THSD4: variants seen among roughly 807,000 people sequenced by gnomAD.
The protein encoded by THSD4 is thrombospondin type 1 domain containing 4.
THSD4 carries 69 observed loss-of-function variants against 119.0 expected under a neutral mutation model. That is an observed-to-expected ratio of 0.58 (90% CI 0.48 to 0.71). The LOEUF is 0.71. Among genes scored for constraint, THSD4 ranks in the 30% least tolerant of loss-of-function variants. The probability of loss-of-function intolerance (pLI) is 0.00; values close to 1 mark genes in which losing one functional copy is unlikely to be tolerated. For synonymous variants in THSD4, 524 were observed against 540.4 expected (o/e 0.97, Z 0.42); for missense variants, 1,393 against 1,391.1 (o/e 1.00, Z -0.02).
chr15:71,300,649 A>G (rs758362760), intron 6 of THSD4, among the ~76,000 whole-genome samples: 2 of 152,236 alleles, frequency 1.3e-5, no homozygotes, highest in Non-Finnish European at 2.9e-5. Context: ...CTGTAGTATA[A>G]GAGTAAAAAC....
chr15:71,714,794 C>T (rs1451415042), intron 8 of THSD4, among the ~76,000 whole-genome samples: 1 of 152,160 alleles, frequency 6.6e-6, no homozygotes, highest in Non-Finnish European at 1.5e-5. Flanking sequence ...AAGATCATGC[C>T]ATTGCACTCC....
At chr15:71,332,665 G>T (rs1019257958) in intron 6 of THSD4, among the ~76,000 whole-genome samples, 2 of 152,074 alleles carry the variant, frequency 1.3e-5, no homozygotes, top group African/African-American at 4.8e-5. Flanking sequence ...ACAGGCTTAA[G>T]ATAGGGACCA....
chr15:71,108,189 A>G (rs868748233), intron 1 of THSD4, among the ~76,000 whole-genome samples: 5 of 152,122 alleles, frequency 3.3e-5, no homozygotes, highest in Admixed American at 6.5e-5. Flanking sequence ...TGGAGGTGGG[A>G]GCTGTCCCAG....
intron 1 of THSD4, among the ~76,000 whole-genome samples, chr15:71,128,526 C>CAAA (rs60507084): frequency 2.7e-4 from 35 of 131,674 alleles, no homozygotes; most frequent in Admixed American, 6.2e-4. Context: ...GACTCTGCCT[C>CAAA]AAAAAAAAAA....
At chr15:71,617,132 A>C (rs536420960) in intron 7 of THSD4, among the ~76,000 whole-genome samples, 1 of 152,330 alleles carries the variant, frequency 6.6e-6, no homozygotes, top group African/African-American at 2.4e-5. Context: ...GCTTAGAGTG[A>C]TAAACCAACT....
intron 7 of THSD4, among the ~76,000 whole-genome samples, chr15:71,442,660 G>GTATGTATGTATGTATATATA (rs1555414328): frequency 3.1e-4 from 8 of 25,824 alleles, no homozygotes; most frequent in South Asian, 2.4e-3. Flanking sequence ...GTGTGTGTGT[G>GTATGTATGTATGTATATATA]TATATATATA....
intron 7 of THSD4, among the ~76,000 whole-genome samples, chr15:71,574,858 C>T (rs2049420950): frequency 6.6e-6 from 1 of 152,068 alleles, no homozygotes; most frequent in South Asian, 2.1e-4. Flanking sequence ...ATAGCGATTG[C>T]CTGAAACTGT....
chr15:71,505,795 C>T (rs2048176533), intron 7 of THSD4, among the ~76,000 whole-genome samples: 2 of 152,146 alleles, frequency 1.3e-5, no homozygotes, highest in Non-Finnish European at 2.9e-5. Flanking sequence ...CTTGGCGATA[C>T]CCATGCGATT....
chr15:71,419,152 A>G lies in THSD4; in HGVS notation c.1152+7329A>G, dbSNP rs536588867. ...CCTTTTGTATTGTTTTCTTCATTTC[A>G]ATTTCATTTATTTCTGCTCTGATCT... On this transcript the variant is annotated intron_variant, in intron 7 of 17. Coordinates refer to ENST00000261862, the MANE Select transcript of THSD4 (RefSeq NM_024817.3). 2.9e-5 allele frequency among the ~76,000 whole-genome samples: 3 copies of G among 104,234 alleles called. 1 individual carries two copies. In the South Asian group the frequency reaches 9.2e-4, roughly 32 times the overall value. The allele number at this position is 104,234 out of a possible 152,430, so 68.4% of individuals were successfully genotyped here. A position where few individuals can be genotyped will look rare whatever the true frequency, so the allele number is the denominator to read the frequency against.
chr15:71,302,518 C>CA (rs2140339088), intron 6 of THSD4, among the ~76,000 whole-genome samples: 1 of 146,566 alleles, frequency 6.8e-6, no homozygotes, highest in African/African-American at 2.5e-5. Flanking sequence ...ACACCAGCTG[C>CA]AAAAGAACCT....
intron 7 of THSD4, among the ~76,000 whole-genome samples, chr15:71,421,944 G>T (rs1160094742): frequency 6.6e-6 from 1 of 152,074 alleles, no homozygotes; most frequent in African/African-American, 2.4e-5. Context: ...GATCAGTTCT[G>T]CTATTAAGAG....
chr15:71,719,263 A>G (rs909196949), intron 8 of THSD4, among the ~76,000 whole-genome samples: 12 of 152,204 alleles, frequency 7.9e-5, no homozygotes, highest in Non-Finnish European at 1.3e-4. Context: ...CAGCCTTCTG[A>G]TTTTCAGTCC....
chr15:71,724,288 T>TATATATATATA (rs1491162842), intron 8 of THSD4, among the ~76,000 whole-genome samples: 4 of 31,470 alleles, frequency 1.3e-4, no homozygotes, highest in East Asian at 1.5e-3. Flanking sequence ...TATATATATA[T>TATATATATATA]TTTTTTTTTC....
intron 7 of THSD4, among the ~76,000 whole-genome samples, chr15:71,554,241 C>T (rs78689829): frequency 0.34 from 51,205 of 150,992 alleles, 10,335 homozygotes; most frequent in South Asian, 0.48. Flanking sequence ...AGGTGCCCAC[C>T]GCCATGCCCG....
At chr15:71,371,337 A>G (rs1390311601) in intron 6 of THSD4, among the ~76,000 whole-genome samples, 1 of 152,078 alleles carries the variant, frequency 6.6e-6, no homozygotes, top group Non-Finnish European at 1.5e-5. Flanking sequence ...TTAGCTGGTT[A>G]TTTTGCTCGT....
At chr15:71,173,915 T>C (rs634846) in intron 3 of THSD4, among the ~76,000 whole-genome samples, 150,043 of 152,208 alleles carry the variant, frequency 0.99, 73,999 homozygotes, top group East Asian at 1. Context: ...TGGGAAAAGA[T>C]GTCGTGTATA....
At chr15:71,587,787 T>TGAAA (rs1427576422) in intron 7 of THSD4, among the ~76,000 whole-genome samples, 3 of 105,554 alleles carry the variant, frequency 2.8e-5, no homozygotes, top group Non-Finnish European at 5.8e-5. Flanking sequence ...AAAAAAAAAT[T>TGAAA]AAAAAAAAAA....
At chr15:71,552,687 C>A (rs1457000242) in intron 7 of THSD4, among the ~76,000 whole-genome samples, 1 of 152,216 alleles carries the variant, frequency 6.6e-6, no homozygotes, top group Non-Finnish European at 1.5e-5. Flanking sequence ...CACCCTGTCA[C>A]CCAGGTTGGA....
In THSD4 at chr15:71,389,812, T is replaced by TTTTTTTTTTTTTG. The variant is rs2046350221; in HGVS notation, c.1016-21863_1016-21862insGTTTTTTTTTTTT. On this transcript the variant is annotated intron_variant, in intron 6 of 17. Coordinates refer to ENST00000261862, the MANE Select transcript of THSD4 (RefSeq NM_024817.3). ...CAACACTTGCTATTTTCTGGGTTGTTTTTTTTTTTTTTTTTGACACAGAGT... is the reference window on the plus strand; with the variant it reads ...CAACACTTGCTATTTTCTGGGTTGTTTTTTTTTTTTTTGTTTTTTTTTTTTTTTGACACAGAGT... Among the ~76,000 whole-genome samples, 5 of 122,280 alleles carry TTTTTTTTTTTTTG rather than the reference T, an allele frequency of 4.1e-5. 1 individual carries two copies. The highest frequency in any genetic ancestry group is 8.8e-5 in the Non-Finnish European group (5 of 56,754). 80.2% of individuals were successfully genotyped at this position (122,280 alleles called of 152,430 possible).
Sources: gnomAD v4.1 joint callset for allele counts (sites outside exome capture counted in the v4.1 genomes callset) on GRCh38, gnomAD v4.1.1 for gene constraint, MANE v1.5 for transcripts, NCBI Gene and HGNC (gene_info 2026-07-23, HGNC 2026-07-21) for gene names.